The following GRIK4 variants were observed in gnomAD, a reference collection of about 807,000 sequenced individuals.
The protein encoded by GRIK4 is glutamate receptor ionotropic, kainate 4.
GRIK4 carries 40 observed loss-of-function variants against 104.9 expected under a neutral mutation model. The observed-to-expected ratio is 0.38, with a 90% CI of 0.30 to 0.50. The LOEUF (loss-of-function observed/expected upper bound fraction) is 0.50, where lower values mean the gene tolerates loss of function less well. GRIK4 is among the 20% of genes least tolerant of loss of function. The probability of loss-of-function intolerance (pLI) is 0.93; values close to 1 mark genes in which losing one functional copy is unlikely to be tolerated. For synonymous variants in GRIK4, 485 were observed against 524.9 expected, an observed-to-expected ratio of 0.92 and a Z score of 1.04; for missense variants, 1,047 against 1,308.1, an observed-to-expected ratio of 0.80 and a Z score of 3.08.
At chr11:120,834,210 T>C (rs1446938497) in intron 7 of GRIK4, among the ~76,000 whole-genome samples, 2 of 152,012 alleles carry the variant, frequency 1.3e-5, no homozygotes, top group South Asian at 4.2e-4. Context: ...AGCATATAGG[T>C]GTCTTATAGC....
intron 1 of GRIK4, among the ~76,000 whole-genome samples, chr11:120,596,082 A>G (rs899480703): frequency 1.3e-5 from 2 of 152,158 alleles, no homozygotes; most frequent in Admixed American, 6.5e-5. Flanking sequence ...CTTGACCTCA[A>G]TAATCCGCCC....
chr11:120,934,813 G>A (rs897749529), intron 13 of GRIK4, among the ~76,000 whole-genome samples: 2 of 152,200 alleles, frequency 1.3e-5, no homozygotes, highest in African/African-American at 4.8e-5. Flanking sequence ...CCGGGCACAT[G>A]GGATGCGTGG....
At chr11:120,635,445 G>A (rs1156857660) in intron 1 of GRIK4, among the ~76,000 whole-genome samples, 1 of 152,222 alleles carries the variant, frequency 6.6e-6, no homozygotes, top group African/African-American at 2.4e-5. Flanking sequence ...GTGTTGGAGA[G>A]TGCCCCCAGC....
chr11:120,630,589 G>T (rs1447622258), intron 1 of GRIK4, among the ~76,000 whole-genome samples: 1 of 152,218 alleles, frequency 6.6e-6, no homozygotes, highest in Non-Finnish European at 1.5e-5. Flanking sequence ...GCTCTGGGTG[G>T]CTGGACCCCC....
intron 3 of GRIK4, among the ~76,000 whole-genome samples, chr11:120,660,869 A>G (rs1489820450): frequency 1.3e-5 from 2 of 152,084 alleles, no homozygotes; most frequent in African/African-American, 4.8e-5. Flanking sequence ...GGCCCTTGAC[A>G]TTGGGTCTGC....
chr11:120,642,411 T>G (rs1260994152), intron 1 of GRIK4, among the ~76,000 whole-genome samples: 2 of 151,578 alleles, frequency 1.3e-5, no homozygotes, highest in Non-Finnish European at 2.9e-5. Flanking sequence ...AGCTGGGAGA[T>G]GCGGGTATTA....
At chr11:120,717,394 C>G (rs568683736) in intron 3 of GRIK4, among the ~76,000 whole-genome samples, 34 of 152,144 alleles carry the variant, frequency 2.2e-4, no homozygotes, top group Non-Finnish European at 3.8e-4. Context: ...CTTCTCCTGT[C>G]CCTTGAACCT....
chr11:120,697,902 C>T (rs935974411), intron 3 of GRIK4, among the ~76,000 whole-genome samples: 1 of 152,140 alleles, frequency 6.6e-6, no homozygotes, highest in African/African-American at 2.4e-5. Flanking sequence ...CCTGCCGTGC[C>T]GTCTTCTCAC....
At chr11:120,576,083 T>A (rs1948480077) in intron 1 of GRIK4, among the ~76,000 whole-genome samples, 1 of 152,192 alleles carries the variant, frequency 6.6e-6, no homozygotes, top group Non-Finnish European at 1.5e-5. Context: ...TTTACTGGGC[T>A]CCTGGGTAAA....
intron 1 of GRIK4, among the ~76,000 whole-genome samples, chr11:120,638,504 G>A (rs1443182908): frequency 1.3e-5 from 2 of 150,720 alleles, no homozygotes; most frequent in African/African-American, 2.4e-5. Flanking sequence ...TTTCTGAGAC[G>A]GAGTCTCGTG....
Position 120,952,799 on chromosome 11 carries a change from C to T in GRIK4, c.1591-56C>T, listed in dbSNP as rs768411364. 2.3e-5 allele frequency: 29 copies of T among 1,242,470 alleles called. No homozygotes were observed. The highest frequency in any genetic ancestry group is 2.0e-4 in the Admixed American group (12 of 59,510). 77.0% of individuals were successfully genotyped at this position (1,242,470 alleles called of 1,614,324 possible). A position where few individuals can be genotyped will look rare whatever the true frequency, so the allele number is the denominator to read the frequency against. On this transcript the variant is annotated intron_variant, in intron 14 of 20. Transcript: ENST00000527524. The surrounding 1 kb of genome is among the most constrained non-coding windows in gnomAD (Gnocchi z 5.2). ...CTCCTCTACCCCGCCCTGCCTGCCC[C>T]AAGGTCATGTTGACTGAATATGTGC...
At chr11:120,701,505 C>T (rs926511024) in intron 3 of GRIK4, among the ~76,000 whole-genome samples, 1 of 152,236 alleles carries the variant, frequency 6.6e-6, no homozygotes, top group African/African-American at 2.4e-5. Flanking sequence ...ACCACATCCT[C>T]TTTATCCACT....
chr11:120,579,216 G>A (rs1948529962), intron 1 of GRIK4, among the ~76,000 whole-genome samples: 2 of 142,292 alleles, frequency 1.4e-5, no homozygotes, highest in South Asian at 2.4e-4. Context: ...GACAGCACAC[G>A]ACAAAATAAC....
intron 3 of GRIK4, among the ~76,000 whole-genome samples, chr11:120,791,136 T>G (rs149724604): frequency 4.6e-4 from 70 of 152,138 alleles, no homozygotes; most frequent in African/African-American, 1.6e-3. Context: ...GAGTGGCTTG[T>G]GGACTAAATC....
At chr11:120,831,766 C>T (rs901336843) in intron 6 of GRIK4, 86 bp from the exon 7 acceptor site, 24 of 1,017,124 alleles carry the variant, frequency 2.4e-5, no homozygotes, top group Non-Finnish European at 3.1e-5. Flanking sequence ...TTCCAGCCCA[C>T]ATCTCCGTGC....
In GRIK4 at chr11:120,819,708, C is replaced by T. The variant is rs369493215; in HGVS notation, c.346-47C>T. The stretch of plus-strand genomic sequence containing the variant: ...TCACTCATCCCTCTTTCTTCCTTTT[C>T]ACCCACCTGGATCCTCCCTGCTGTC... On this transcript the variant is annotated intron_variant, in intron 5 of 20. Coordinates refer to ENST00000527524, the MANE Select transcript of GRIK4 (RefSeq NM_014619.5). The surrounding 1 kb of genome is among the most constrained non-coding windows in gnomAD (Gnocchi z 4.3). 5.7e-5 allele frequency: 90 copies of T among 1,586,070 alleles called. No homozygotes were observed. The highest frequency in any genetic ancestry group is 7.8e-5 in the Non-Finnish European group (90 of 1,155,432).
intron 13 of GRIK4, among the ~76,000 whole-genome samples, chr11:120,933,438 T>C (rs1057057237): frequency 3.3e-5 from 5 of 152,212 alleles, no homozygotes; most frequent in African/African-American, 9.6e-5. Context: ...CATGGCCTCA[T>C]TCATCTTCTC....
intron 8 of GRIK4, among the ~76,000 whole-genome samples, chr11:120,846,115 AC>A (rs1953846929): frequency 6.6e-6 from 1 of 152,228 alleles, no homozygotes; most frequent in African/African-American, 2.4e-5. Flanking sequence ...AGGAGAAAAA[AC>A]AGAGAGAATC....
chr11:120,731,368 G>A (rs548851905), intron 3 of GRIK4, among the ~76,000 whole-genome samples: 21 of 151,648 alleles, frequency 1.4e-4, no homozygotes, highest in Non-Finnish European at 1.8e-4. Context: ...ATAATGTCAC[G>A]TTGCTTGATT....
Sources: allele counts gnomAD v4.1 joint callset (sites outside exome capture counted in the v4.1 genomes callset), GRCh38; gene constraint gnomAD v4.1.1; non-coding constraint Gnocchi (gnomAD v3.1); transcripts MANE v1.5; gene names NCBI Gene and HGNC (gene_info 2026-07-23, HGNC 2026-07-21).